AMMECR1: variants seen among roughly 807,000 people sequenced by gnomAD.
AMMECR1 encodes AMMECR nuclear protein 1, also known as nuclear protein AMMECR1.
AMMECR1 carries 3 observed loss-of-function variants against 22.5 expected under a neutral mutation model. The observed-to-expected ratio is 0.13, with a 90% CI of 0.06 to 0.35. The LOEUF is 0.35. Ranked by LOEUF, AMMECR1 falls within the 10% of genes least tolerant of loss-of-function variation. The pLI, the probability that AMMECR1 is intolerant of heterozygous loss-of-function variation, is 1.00. For synonymous variants in AMMECR1, 130 were observed against 116.7 expected, an observed-to-expected ratio of 1.11 and a Z score of -0.74; for missense variants, 235 against 278.7, an observed-to-expected ratio of 0.84 and a Z score of 1.12.
intron 1 of AMMECR1, among the ~76,000 whole-genome samples, chrX:110,278,312 T>C (rs771474833): frequency 3.6e-5 from 4 of 112,139 alleles, no homozygotes; most frequent in South Asian, 3.7e-4. Flanking sequence ...AAAGCTTTGA[T>C]AGTTAAATGT....
intron 2 of AMMECR1, among the ~76,000 whole-genome samples, chrX:110,415,893 G>A (rs926171450): frequency 1.8e-5 from 2 of 110,547 alleles, no homozygotes; most frequent in East Asian, 5.6e-4. Context: ...TGCCTTTTCT[G>A]GCTCTTGAAT....
chrX:110,260,380 T>G (rs1474826593), intron 2 of AMMECR1, among the ~76,000 whole-genome samples: 2 of 111,474 alleles, frequency 1.8e-5, no homozygotes, highest in Non-Finnish European at 3.8e-5. Context: ...ACATATGACT[T>G]GACTTTGACA....
At chrX:110,304,206 G>T (rs1041770604) in intron 1 of AMMECR1, among the ~76,000 whole-genome samples, 2 of 111,659 alleles carry the variant, frequency 1.8e-5, no homozygotes, top group Admixed American at 1.9e-4. Context: ...AGAACCATAA[G>T]GAACATTCCC....
intron 2 of AMMECR1, among the ~76,000 whole-genome samples, chrX:110,368,128 A>T (rs1350747397): frequency 9.1e-6 from 1 of 109,305 alleles, no homozygotes; most frequent in Non-Finnish European, 1.9e-5. Context: ...GGTGTGAGCC[A>T]CTGCACCTGG....
chrX:110,214,700 A>G (rs767279176), intron 3 of AMMECR1, among the ~76,000 whole-genome samples: 106 of 111,685 alleles, frequency 9.5e-4, no homozygotes, highest in African/African-American at 3.3e-3. Flanking sequence ...TAGTATGTTC[A>G]TGTTTGTGAC....
At chrX:110,324,644 GAGTGT>G (rs1208689980) in intron 2 of AMMECR1, among the ~76,000 whole-genome samples, 12 of 101,035 alleles carry the variant, frequency 1.2e-4, no homozygotes, top group Non-Finnish European at 1.0e-4. Flanking sequence ...GTAGTTTGTT[GAGTGT>G]TTTTTTTTTT....
At chrX:110,268,443 C>T (rs190786965) in intron 1 of AMMECR1, among the ~76,000 whole-genome samples, 8 of 112,025 alleles carry the variant, frequency 7.1e-5, no homozygotes, top group East Asian at 2.8e-4. Flanking sequence ...ATAAAGTACA[C>T]GTGTATGGAA....
chrX:110,381,841 T>A (rs1295067486), intron 2 of AMMECR1, among the ~76,000 whole-genome samples: 2 of 110,724 alleles, frequency 1.8e-5, no homozygotes, highest in African/African-American at 6.6e-5. Context: ...TTCTCACTTA[T>A]AAGTGGGAGC....
chrX:110,430,661 A>G (rs1407429525), intron 1 of AMMECR1, among the ~76,000 whole-genome samples: 1 of 112,444 alleles, frequency 8.9e-6, no homozygotes, highest in Non-Finnish European at 1.9e-5. Flanking sequence ...GGAAGCTGGC[A>G]TGGTCTTGTG....
intron 2 of AMMECR1, among the ~76,000 whole-genome samples, chrX:110,245,041 C>G (rs2067651720): frequency 1.8e-5 from 2 of 111,498 alleles, no homozygotes; most frequent in South Asian, 7.4e-4. Context: ...TTTTAAAAAG[C>G]CAGAATATAA....
At chrX:110,339,332 G>C (rs2068152806) in intron 2 of AMMECR1, among the ~76,000 whole-genome samples, 1 of 99,462 alleles carries the variant, frequency 1.0e-5, no homozygotes. Context: ...AAGTTACCTG[G>C]TTTGGAGAAT....
chrX:110,299,733 C>A (rs1016586842), intron 1 of AMMECR1, among the ~76,000 whole-genome samples: 1 of 111,707 alleles, frequency 9.0e-6, no homozygotes, highest in African/African-American at 3.2e-5. Flanking sequence ...TGGCAACCAC[C>A]ATACAACTGT....
intron 2 of AMMECR1, among the ~76,000 whole-genome samples, chrX:110,380,283 A>G (rs1338315847): frequency 8.9e-6 from 1 of 112,069 alleles, no homozygotes; most frequent in Non-Finnish European, 1.9e-5. Context: ...ACAATAAAAG[A>G]TTTTGTAGTA....
At chrX:110,382,889 C>T (rs373442159) in intron 2 of AMMECR1, among the ~76,000 whole-genome samples, 20 of 111,796 alleles carry the variant, frequency 1.8e-4, no homozygotes, top group African/African-American at 6.5e-4. Flanking sequence ...TTAGATCTGC[C>T]CCAGTATTGA....
intron 2 of AMMECR1, among the ~76,000 whole-genome samples, chrX:110,338,440 A>G (rs1461842544): frequency 1.8e-5 from 2 of 112,009 alleles, no homozygotes; most frequent in Non-Finnish European, 3.8e-5. Context: ...CTTCATTTCC[A>G]GTTCTACTTG....
At chrX:110,211,666 G>C (rs2067448525) in intron 3 of AMMECR1, among the ~76,000 whole-genome samples, 1 of 112,102 alleles carries the variant, frequency 8.9e-6, no homozygotes, top group Non-Finnish European at 1.9e-5. Flanking sequence ...TTTATCTAGG[G>C]GAGCAATTTT....
At chrX:110,282,084 C>G in intron 1 of AMMECR1, among the ~76,000 whole-genome samples, 1 of 111,747 alleles carries the variant, frequency 8.9e-6, no homozygotes, top group East Asian at 2.8e-4. Context: ...GTATGGTGCA[C>G]AAAATTTACA....
At chrX:110,342,283 A>C (rs1462145864) in intron 2 of AMMECR1, among the ~76,000 whole-genome samples, 2 of 111,847 alleles carry the variant, frequency 1.8e-5, no homozygotes, top group Non-Finnish European at 3.8e-5. Context: ...GGGGGTAATA[A>C]TGTCAGACAG....
intron 2 of AMMECR1, among the ~76,000 whole-genome samples, chrX:110,237,979 T>G (rs1447070689): frequency 8.9e-6 from 1 of 112,055 alleles, no homozygotes; most frequent in Non-Finnish European, 1.9e-5. Context: ...ATTAAGGTTG[T>G]AAGGGAAATA....
Sources: allele counts gnomAD v4.1 joint callset (sites outside exome capture counted in the v4.1 genomes callset), GRCh38; gene constraint gnomAD v4.1.1; transcripts MANE v1.5; gene names NCBI Gene and HGNC (gene_info 2026-07-23, HGNC 2026-07-21).